Variants in MYCBP2 observed in about 807,000 individuals in gnomAD.
MYCBP2 encodes E3 ubiquitin-protein ligase MYCBP2.
Under a neutral mutation model 525.3 loss-of-function variants are expected in MYCBP2, and 120 were observed. The ratio of observed to expected loss-of-function variants is 0.23; its 90% CI spans 0.20 to 0.27. The LOEUF (loss-of-function observed/expected upper bound fraction) is 0.27, where lower values mean the gene tolerates loss of function less well. MYCBP2 is among the 10% of genes least tolerant of loss of function. MYCBP2 has a pLI of 1.00. For synonymous variants in MYCBP2, 1,894 were observed against 1,955.8 expected, an observed-to-expected ratio of 0.97 and a Z score of 0.83; for missense variants, 4,149 against 5,657.1, an observed-to-expected ratio of 0.73 and a Z score of 8.55.
At chr13:77,080,882 A>C (rs920136805) in intron 65 of MYCBP2, 4 of 152,388 alleles carry the variant, frequency 2.6e-5, no homozygotes, top group African/African-American at 9.7e-5. Flanking sequence ...CGAAGGTTGC[A>C]GTGAGCCAAG....
intron 55 of MYCBP2, among the ~76,000 whole-genome samples, chr13:77,106,155 GCAGTA>G (rs1474717118): frequency 6.6e-6 from 1 of 152,098 alleles, no homozygotes; most frequent in African/African-American, 2.4e-5. Context: ...ACACCTGGTG[GCAGTA>G]CACAAATCTG....
chr13:77,064,544 T>A (rs2039889701), intron 73 of MYCBP2, 71 bp downstream of exon 73: 1 of 1,462,252 alleles, frequency 6.8e-7, no homozygotes, highest in South Asian at 1.4e-5. Context: ...TTTGTTTAAA[T>A]CTATTACTAA....
chr13:77,301,865 C>G (rs1443618328), intron 1 of MYCBP2, among the ~76,000 whole-genome samples: 2 of 152,028 alleles, frequency 1.3e-5, no homozygotes, highest in African/African-American at 4.8e-5. Context: ...AAAAAAGAAC[C>G]AAGTGGACAT....
chr13:77,296,404 A>C (rs1164331737), intron 2 of MYCBP2, among the ~76,000 whole-genome samples, 195 bp downstream of exon 2: 3 of 152,152 alleles, frequency 2.0e-5, no homozygotes, highest in Admixed American at 2.0e-4. Context: ...AAAAAGAAAA[A>C]AAAAAGGCAA....
chr13:77,057,399 AAAG>A (rs1236966745), intron 78 of MYCBP2, among the ~76,000 whole-genome samples: 4 of 152,188 alleles, frequency 2.6e-5, no homozygotes, highest in Admixed American at 6.5e-5. Flanking sequence ...TATCTCACAG[AAAG>A]AAGAAGAAAT....
In MYCBP2 at chr13:77,140,057, A is replaced by G; in HGVS notation, c.7508T>C (p.Phe2503Ser). 6.2e-7 allele frequency: 1 copy of G among 1,600,368 alleles called. No homozygotes were observed. Among genetic ancestry groups the G allele is most frequent in the Non-Finnish European group, 8.5e-7 (1 of 1,175,146 alleles). Residue 2503 changes from phenylalanine (F) to serine (S), a missense_variant, in exon 51 of 83, where the codon TTT (phenylalanine) becomes TCT (serine). Physicochemically the swap from Phe to Ser is radical, Grantham distance 155. Transcript: ENST00000544440. Reference sequence around the variant, plus strand: ...TCCTTTATCAATTACCTCATCAATAAAAGTGATAGTTCCATTGACTTTCAC... The same window carrying G: ...TCCTTTATCAATTACCTCATCAATAGAAGTGATAGTTCCATTGACTTTCAC... ...GIVKVNGTIT[F>S]IDEIHNDDGV... is the part of the protein sequence containing the mutation.
chr13:77,140,287 T>C (rs1261016073), intron 50 of MYCBP2, 124 bp from the exon 51 acceptor site: 1 of 575,418 alleles, frequency 1.7e-6, no homozygotes, highest in East Asian at 2.9e-5. Flanking sequence ...CCAGAATTAT[T>C]TGTAGAGAGG....
intron 24 of MYCBP2, among the ~76,000 whole-genome samples, chr13:77,206,039 A>G (rs758790503): frequency 3.9e-5 from 6 of 152,182 alleles, no homozygotes; most frequent in African/African-American, 1.2e-4. Context: ...TGATATGGTA[A>G]TTATATTTAG....
At chr13:77,245,353 C>T (rs1005554704) in intron 15 of MYCBP2, among the ~76,000 whole-genome samples, 10 of 152,082 alleles carry the variant, frequency 6.6e-5, no homozygotes, top group African/African-American at 2.4e-4. Flanking sequence ...TTGGAACCAA[C>T]CCAAATGCTC....
intron 18 of MYCBP2, among the ~76,000 whole-genome samples, chr13:77,227,659 G>A (rs752490482): frequency 6.6e-6 from 1 of 152,050 alleles, no homozygotes; most frequent in Non-Finnish European, 1.5e-5. Flanking sequence ...ATATGATTCT[G>A]CCAGACTTAA....
At chr13:77,199,131 G>C (rs1044943575) in intron 26 of MYCBP2, among the ~76,000 whole-genome samples, 1 of 152,182 alleles carries the variant, frequency 6.6e-6, no homozygotes, top group Non-Finnish European at 1.5e-5. Context: ...CTGAGGTACC[G>C]GGTTCATCTC....
Position 77,097,373 on chromosome 13 carries a change from G to C in MYCBP2, c.9781C>G (p.Pro3261Ala). ...PVTYHMRQAH[P>A]GCGRYAGGQG... is the part of the protein sequence containing the mutation. ...TACATTCAACAGTATCATTTACCTG[G>C]GTGAGCTTGTCTCATGTGATAGGTC... is the stretch of plus-strand genomic sequence containing the variant. The change falls in exon 56 of 83, where the codon CCA (proline) becomes GCA (alanine). Residue 3261 changes from proline (P) to alanine (A), a missense_variant. Coordinates refer to ENST00000544440, the MANE Select transcript of MYCBP2 (RefSeq NM_015057.5). 6.3e-7 allele frequency: 1 copy of C among 1,595,416 alleles called. No homozygotes were observed. The highest frequency in any genetic ancestry group is 8.5e-7 in the Non-Finnish European group (1 of 1,173,966).
intron 41 of MYCBP2, among the ~76,000 whole-genome samples, chr13:77,165,702 A>T (rs1166180871): frequency 6.6e-6 from 1 of 152,162 alleles, no homozygotes; most frequent in Non-Finnish European, 1.5e-5. Flanking sequence ...TCAAATACTG[A>T]GGTTAGCCTT....
chr13:77,056,159 T>TGTGTGTGTGTGTGTGTG (rs2037999585), intron 79 of MYCBP2, among the ~76,000 whole-genome samples: 1 of 146,084 alleles, frequency 6.8e-6, no homozygotes, highest in Non-Finnish European at 1.5e-5. Context: ...TGTGTGTGTG[T>TGTGTGTGTGTGTGTGTG]TTTGCTTCCT....
rs915527559 is a variant in MYCBP2, at chr13:77,327,076, C to A, written c.-301G>T. ...GCTACCACCGCCACCACCGCCGGGGCTACCCGCAATGGGAAGCTGCCGGCC... is the reference window on the plus strand; with the variant it reads ...GCTACCACCGCCACCACCGCCGGGGATACCCGCAATGGGAAGCTGCCGGCC... On this transcript the variant is annotated 5_prime_UTR_variant, in exon 1 of 83. Transcript: ENST00000544440. The A allele has an allele frequency of 6.6e-5, 29 of 439,598 alleles. No individual in the cohort carries two copies. Among genetic ancestry groups the A allele is most frequent in the Non-Finnish European group, 8.7e-5 (22 of 253,482 alleles). The allele number at this position is 439,598 out of a possible 1,614,324, so 27.2% of individuals were successfully genotyped here.
At chr13:77,059,386 G>T in intron 77 of MYCBP2, 137 bp downstream of exon 77, 1 of 626,278 alleles carries the variant, frequency 1.6e-6, no homozygotes. Flanking sequence ...CTTTGGTAAG[G>T]CATTTGATGC....
At chr13:77,128,962 T>A (rs1431000011) in intron 52 of MYCBP2, among the ~76,000 whole-genome samples, 1 of 151,936 alleles carries the variant, frequency 6.6e-6, no homozygotes, top group East Asian at 1.9e-4. Context: ...TTTGAAGTCA[T>A]GTGGAAGTAT....
chr13:77,174,497 A>G lies in MYCBP2; in HGVS notation c.5473-8T>C, dbSNP rs1466113364. The stretch of plus-strand genomic sequence containing the variant: ...AGCATATTTAACATTTTCCTTCATT[A>G]TAAAGATGTAAAACATCTTTTATTC... On this transcript the variant is annotated splice_region_variant and splice_polypyrimidine_tract_variant and intron_variant, in intron 36 of 82. Coordinates refer to ENST00000544440, the MANE Select transcript of MYCBP2 (RefSeq NM_015057.5). The G allele has an allele frequency of 3.0e-5, 49 of 1,610,758 alleles. No homozygotes were observed. In the Admixed American group the frequency reaches 8.2e-4, roughly 27 times the overall value.
At chr13:77,102,157 T>C (rs778293995) in intron 55 of MYCBP2, among the ~76,000 whole-genome samples, 34 of 151,820 alleles carry the variant, frequency 2.2e-4, no homozygotes, top group Non-Finnish European at 4.7e-4. Context: ...AATCTTAAAT[T>C]ATCAGGATCA....
Sources: allele counts gnomAD v4.1 joint callset (sites outside exome capture counted in the v4.1 genomes callset), GRCh38; gene constraint gnomAD v4.1.1; transcripts MANE v1.5; gene names NCBI Gene and HGNC (gene_info 2026-07-23, HGNC 2026-07-21).